Variants in RASGRP3 observed in about 807,000 individuals in gnomAD.
RASGRP3 encodes RAS guanyl releasing protein 3.
RASGRP3 carries 54 observed loss-of-function variants against 82.7 expected under a neutral mutation model. That is an observed-to-expected ratio of 0.65 (90% CI 0.52 to 0.82). RASGRP3 has a LOEUF of 0.82. RASGRP3 is among the 40% of genes least tolerant of loss of function. The probability of loss-of-function intolerance (pLI) is 0.00; values close to 1 mark genes in which losing one functional copy is unlikely to be tolerated. For missense variants in RASGRP3, 861 were observed against 828.9 expected (o/e 1.04, Z -0.48); for synonymous variants, 309 against 300.5 (o/e 1.03, Z -0.29).
At chr2:33,527,469 G>A in intron 10 of RASGRP3, 57 bp downstream of exon 10, 1 of 1,502,730 alleles carries the variant, frequency 6.7e-7, no homozygotes, top group East Asian at 2.3e-5. Flanking sequence ...TTTCTTTCCA[G>A]GAGACACAGG....
Position 33,453,177 on chromosome 2 carries a change from G to C in RASGRP3, c.-261+5234G>C, listed in dbSNP as rs7559514. Reference sequence around the variant, plus strand: ...CCCCAAGGGCCAGAGACATCAAAATGGATTAAGAATATTTTAAAAAGCAAT... The same window carrying C: ...CCCCAAGGGCCAGAGACATCAAAATCGATTAAGAATATTTTAAAAAGCAAT... On this transcript the variant is annotated intron_variant, in intron 2 of 18. Coordinates refer to the RASGRP3 transcript ENST00000402538. Among the ~76,000 whole-genome samples the C allele has an allele frequency of 9.5e-3, 1,451 of 152,272 alleles. 19 individuals carry two copies. The highest frequency in any genetic ancestry group is 0.058 in the Middle Eastern group (17 of 294).
upstream of RASGRP3, among the ~76,000 whole-genome samples, chr2:33,475,160 C>T (rs965480399): frequency 7.2e-5 from 11 of 152,294 alleles, no homozygotes; most frequent in African/African-American, 2.2e-4. Context: ...TTATGCATTG[C>T]ATTTTTATAT....
chr2:33,489,037 C>T (rs753170614), intron 1 of RASGRP3, among the ~76,000 whole-genome samples: 4 of 151,910 alleles, frequency 2.6e-5, no homozygotes, highest in Non-Finnish European at 5.9e-5. Flanking sequence ...TTTTGCCTTC[C>T]GAAGGACATT....
intron 1 of RASGRP3, among the ~76,000 whole-genome samples, chr2:33,439,216 A>G (rs1396720991): frequency 1.3e-5 from 2 of 152,180 alleles, no homozygotes; most frequent in African/African-American, 4.8e-5. Context: ...GAAAAACTCA[A>G]TGTTAAGTTG....
intron 17 of RASGRP3, chr2:33,559,603 G>C (rs1574511180): frequency 1.9e-6 from 1 of 518,630 alleles, no homozygotes; most frequent in African/African-American, 1.9e-5. Context: ...ATTTGTTAGA[G>C]TATGCTGACA....
At chr2:33,519,457 A>G (rs2151018628) in intron 4 of RASGRP3, among the ~76,000 whole-genome samples, 1 of 152,292 alleles carries the variant, frequency 6.6e-6, no homozygotes, top group African/African-American at 2.4e-5. Flanking sequence ...TCTACTAAAA[A>G]TACAAAAAAT....
At chr2:33,477,170 A>T (rs969307020) in intron 1 of RASGRP3, among the ~76,000 whole-genome samples, 2 of 152,172 alleles carry the variant, frequency 1.3e-5, no homozygotes, top group Admixed American at 1.3e-4. Context: ...AATTTATTGT[A>T]TGGCTGATTT....
At chr2:33,533,990 C>T (rs1410754227) in intron 10 of RASGRP3, 1 of 228,778 alleles carries the variant, frequency 4.4e-6, no homozygotes, top group Non-Finnish European at 8.6e-6. Context: ...ATTACATTTA[C>T]AAGTCTTATT....
At chr2:33,525,768 T>A (rs868050500) in intron 9 of RASGRP3, among the ~76,000 whole-genome samples, 1 of 148,838 alleles carries the variant, frequency 6.7e-6, no homozygotes, top group Non-Finnish European at 1.5e-5. Context: ...TCCCAGCTAT[T>A]TGGGAGGCTG....
At chr2:33,491,947 T>C (rs981142856) in intron 1 of RASGRP3, among the ~76,000 whole-genome samples, 1 of 152,198 alleles carries the variant, frequency 6.6e-6, no homozygotes, top group South Asian at 2.1e-4. Flanking sequence ...AGGAAGCAAC[T>C]TCATGGGCAG....
At chr2:33,556,590 C>T (rs1252671625) in intron 15 of RASGRP3, among the ~76,000 whole-genome samples, 1 of 152,086 alleles carries the variant, frequency 6.6e-6, no homozygotes, top group East Asian at 1.9e-4. Context: ...TATAATAAAA[C>T]TACAAAAAGA....
At chr2:33,447,456 GAC>G (rs1665564536) in intron 1 of RASGRP3, among the ~76,000 whole-genome samples, 1 of 147,914 alleles carries the variant, frequency 6.8e-6, no homozygotes, top group South Asian at 2.1e-4. Flanking sequence ...TTTTTTTTGA[GAC>G]AGAGTTTCAC....
intron 11 of RASGRP3, among the ~76,000 whole-genome samples, chr2:33,534,694 ATTT>A (rs71910431): frequency 6.2e-4 from 76 of 122,198 alleles, no homozygotes; most frequent in Admixed American, 1.7e-3. Context: ...ACACCCAGCA[ATTT>A]TTTTTTTTTT....
intron 14 of RASGRP3, among the ~76,000 whole-genome samples, chr2:33,552,636 C>G (rs1293094554): frequency 5.3e-5 from 8 of 152,190 alleles, no homozygotes; most frequent in Non-Finnish European, 1.0e-4. Flanking sequence ...CCGGAACCAT[C>G]TGCTTTTAAA....
intron 1 of RASGRP3, among the ~76,000 whole-genome samples, chr2:33,447,400 C>T (rs1375428016): frequency 2.0e-5 from 3 of 151,828 alleles, no homozygotes; most frequent in African/African-American, 7.3e-5. Flanking sequence ...AATTGTGCCA[C>T]ATGCTACTCA....
At position 33,514,505 on chromosome 2, in the gene RASGRP3, C is replaced by CAAAA. The variant is rs3083005; in HGVS notation, c.-127-486_-127-483dup. ...GCAACATGGTAAAACCCCATCTCTACAAAAAAAAAAAAAAAAAAAAAACCC... is the reference window on the plus strand; with the variant it reads ...GCAACATGGTAAAACCCCATCTCTACAAAAAAAAAAAAAAAAAAAAAAAAAACCC... On this transcript the variant is annotated intron_variant, in intron 2 of 17. Coordinates refer to ENST00000403687, the MANE Select transcript of RASGRP3 (RefSeq NM_001139488.2). Among the ~76,000 whole-genome samples, 190 of 59,760 alleles carry CAAAA rather than the reference C, an allele frequency of 3.2e-3. 3 individuals are homozygous for CAAAA. The highest frequency in any genetic ancestry group is 3.3e-3 in the Non-Finnish European group (117 of 35,974). The allele number at this position is 59,760 out of a possible 152,430, so 39.2% of individuals were successfully genotyped here.
chr2:33,505,177 C>T (rs558633287), intron 1 of RASGRP3, among the ~76,000 whole-genome samples: 1 of 151,890 alleles, frequency 6.6e-6, no homozygotes, highest in Admixed American at 6.6e-5. Context: ...ACCACCACCA[C>T]CATTATTATC....
At chr2:33,561,546 A>C (rs1201125831) in intron 17 of RASGRP3, among the ~76,000 whole-genome samples, 1 of 152,226 alleles carries the variant, frequency 6.6e-6, no homozygotes, top group Non-Finnish European at 1.5e-5. Context: ...ATAAGGAAGA[A>C]GGGAAAAAAA....
chr2:33,479,883 T>G (rs11694023), intron 1 of RASGRP3, among the ~76,000 whole-genome samples: 2 of 151,758 alleles, frequency 1.3e-5, no homozygotes, highest in Admixed American at 6.5e-5. Flanking sequence ...GAGCACCAGG[T>G]AGTATGTAAT....
Sources: allele counts gnomAD v4.1 joint callset (sites outside exome capture counted in the v4.1 genomes callset), GRCh38; gene constraint gnomAD v4.1.1; transcripts MANE v1.5; gene names NCBI Gene and HGNC (gene_info 2026-07-23, HGNC 2026-07-21).